The following STMN2 variants were observed in gnomAD, a reference collection of about 807,000 sequenced individuals.
The protein encoded by STMN2 is stathmin-2.
In STMN2, 2 loss-of-function variants were observed where a neutral mutation model predicts 24.1. That is an observed-to-expected ratio of 0.08 (90% CI 0.03 to 0.26). STMN2 has a LOEUF of 0.26. Among genes scored for constraint, STMN2 ranks in the 10% least tolerant of loss-of-function variants. The pLI, the probability that STMN2 is intolerant of heterozygous loss-of-function variation, is 1.00. For missense variants in STMN2, 114 were observed against 213.6 expected (o/e 0.53, Z 2.91); for synonymous variants, 83 against 77.5 (o/e 1.07, Z -0.37).
At chr8:79,617,281 A>G (rs572854232) in intron 1 of STMN2, among the ~76,000 whole-genome samples, 1 of 152,362 alleles carries the variant, frequency 6.6e-6, no homozygotes, top group Non-Finnish European at 1.5e-5. Context: ...AGACATAGTC[A>G]GGTCTCCCAT....
chr8:79,640,136 G>C (rs1053088867), intron 2 of STMN2, among the ~76,000 whole-genome samples: 2 of 152,302 alleles, frequency 1.3e-5, no homozygotes, highest in Non-Finnish European at 2.9e-5. Context: ...GGAGGCGGAG[G>C]TTGCAGTGAG....
At chr8:79,649,248 T>C (rs991658881) in intron 3 of STMN2, among the ~76,000 whole-genome samples, 2 of 151,566 alleles carry the variant, frequency 1.3e-5, no homozygotes, top group Admixed American at 6.6e-5. Flanking sequence ...AACATTCTGC[T>C]CCTTACAGAA....
intron 1 of STMN2, chr8:79,613,891 C>T: frequency 1.1e-6 from 1 of 927,836 alleles, no homozygotes; most frequent in South Asian, 5.0e-5. Context: ...TGTGTGCCAA[C>T]GATTGCTGGA....
At chr8:79,633,114 C>T (rs943580955) in intron 1 of STMN2, among the ~76,000 whole-genome samples, 13 of 152,168 alleles carry the variant, frequency 8.5e-5, no homozygotes, top group Admixed American at 2.0e-4. Context: ...TTTCCAGCAA[C>T]GCCATCTGGG....
rs182887811 is a variant in STMN2 at position 79,619,730 on chromosome 8, G to A, written c.19+8516G>A. On this transcript the variant is annotated intron_variant, in intron 1 of 4. Transcript: ENST00000220876. ...AAAAATATCTATTGTTATTATTTAA[G>A]TCTTACAGCTTTATCTGAGAAATTC... 4.6e-5 allele frequency among the ~76,000 whole-genome samples: 7 copies of A among 152,130 alleles called. No individual in the cohort carries two copies. In the East Asian group the frequency reaches 1.2e-3, roughly 25 times the overall value.
At chr8:79,654,467 A>G (rs1255752988) in intron 3 of STMN2, among the ~76,000 whole-genome samples, 1 of 151,818 alleles carries the variant, frequency 6.6e-6, no homozygotes, top group African/African-American at 2.4e-5. Flanking sequence ...AAAACAATGG[A>G]TCAGGAAGAA....
chr8:79,645,165 A>G (rs1810192650), intron 3 of STMN2, among the ~76,000 whole-genome samples: 1 of 152,094 alleles, frequency 6.6e-6, no homozygotes, highest in African/African-American at 2.4e-5. Context: ...AAAAAAAAAA[A>G]AGAAAGAAAT....
chr8:79,642,114 A>G (rs1409647454), intron 3 of STMN2, among the ~76,000 whole-genome samples: 1 of 152,112 alleles, frequency 6.6e-6, no homozygotes, highest in Non-Finnish European at 1.5e-5. Flanking sequence ...CCTGCCCTGG[A>G]AGTTGGTCCT....
chr8:79,659,923 C>T (rs1032174753), intron 4 of STMN2, among the ~76,000 whole-genome samples: 2 of 152,146 alleles, frequency 1.3e-5, no homozygotes, highest in Non-Finnish European at 2.9e-5. Context: ...AGTTGACTCA[C>T]CCAGTATCTA....
intron 2 of STMN2, among the ~76,000 whole-genome samples, 193 bp downstream of exon 2, chr8:79,637,090 A>G (rs1426102850): frequency 1.3e-5 from 2 of 151,958 alleles, no homozygotes; most frequent in African/African-American, 4.8e-5. Context: ...GCTAATAACA[A>G]CACATCAATG....
Position 79,623,526 on chromosome 8 carries a change from A to G in STMN2, c.19+12312A>G, listed in dbSNP as rs780038155. Among the ~76,000 whole-genome samples the G allele has an allele frequency of 1.8e-3, 274 of 152,358 alleles. 2 individuals are homozygous for G. Among genetic ancestry groups the G allele is most frequent in the Admixed American group, 3.5e-3 (54 of 15,304 alleles). ...ATGACATAGCTGCAGACATATTAAG[A>G]GAAATATGTGCTTATATTTACAAGT... On this transcript the variant is annotated intron_variant, in intron 1 of 4. Coordinates refer to ENST00000220876, the MANE Select transcript of STMN2 (RefSeq NM_007029.4).
chr8:79,635,173 A>T (rs1585889917), intron 1 of STMN2, among the ~76,000 whole-genome samples: 5 of 152,016 alleles, frequency 3.3e-5, no homozygotes, highest in African/African-American at 1.2e-4. Flanking sequence ...CTTCCTAGAG[A>T]AAAAATGAGA....
intron 1 of STMN2, among the ~76,000 whole-genome samples, chr8:79,636,369 T>G (rs1809955364): frequency 1.3e-5 from 2 of 152,154 alleles, no homozygotes; most frequent in Non-Finnish European, 2.9e-5. Flanking sequence ...TACGTGGCAA[T>G]TCAGGCTGAA....
intron 1 of STMN2, among the ~76,000 whole-genome samples, chr8:79,617,553 T>A (rs947544243): frequency 1.3e-4 from 20 of 152,306 alleles, no homozygotes; most frequent in Admixed American, 6.5e-5. Flanking sequence ...TGGGAAACTT[T>A]CCATTTTTGC....
In STMN2 at chr8:79,665,032, A is replaced by C; in HGVS notation, c.*158A>C. 13 of 542,682 alleles carry C rather than the reference A, an allele frequency of 2.4e-5. No homozygotes were observed. The highest frequency in any genetic ancestry group is 7.6e-5 in the East Asian group (2 of 26,474). 33.6% of individuals were successfully genotyped at this position (542,682 alleles called of 1,614,324 possible). A position where few individuals can be genotyped will look rare whatever the true frequency, so the allele number is the denominator to read the frequency against. ...AAAAATCAAAAATTAAAAAAAATCA[A>C]TGCGGTCTCTTTGCAGAATGTTTTG... On this transcript the variant is annotated 3_prime_UTR_variant, in exon 5 of 5. Coordinates refer to ENST00000220876, the MANE Select transcript of STMN2 (RefSeq NM_007029.4).
intron 1 of STMN2, among the ~76,000 whole-genome samples, chr8:79,624,256 C>A (rs1207787958): frequency 6.6e-6 from 1 of 151,936 alleles, no homozygotes; most frequent in Non-Finnish European, 1.5e-5. Flanking sequence ...AGATCGAGAC[C>A]ATCCTGGCTA....
chr8:79,659,491 A>T (rs1407348102), intron 4 of STMN2, among the ~76,000 whole-genome samples: 1 of 152,190 alleles, frequency 6.6e-6, no homozygotes, highest in Non-Finnish European at 1.5e-5. Flanking sequence ...TTTCTCCCCT[A>T]ACGCACTATG....
chr8:79,660,125 A>G (rs1474369380), intron 4 of STMN2, among the ~76,000 whole-genome samples: 1 of 152,204 alleles, frequency 6.6e-6, no homozygotes, highest in East Asian at 1.9e-4. Flanking sequence ...TGGCAATATT[A>G]GGGAAGAGCC....
In STMN2 at chr8:79,646,157, T is replaced by C. The variant is rs185833205; in HGVS notation, c.288+4607T>C. ...CCACCCTCCCATCCTAAAACAATTA[T>C]AGTCACTAAGTTTCCAAATGACATC... On this transcript the variant is annotated intron_variant, in intron 3 of 4. Transcript: ENST00000220876. Among the ~76,000 whole-genome samples the C allele has an allele frequency of 7.4e-4, 113 of 152,232 alleles. 1 individual carries two copies. Among genetic ancestry groups the C allele is most frequent in the African/African-American group, 2.6e-3 (107 of 41,534 alleles).
Sources: allele counts gnomAD v4.1 joint callset (sites outside exome capture counted in the v4.1 genomes callset), GRCh38; gene constraint gnomAD v4.1.1; transcripts MANE v1.5; gene names NCBI Gene and HGNC (gene_info 2026-07-23, HGNC 2026-07-21).